CD226: variants seen among roughly 807,000 people sequenced by gnomAD.
The protein encoded by CD226 is CD226 antigen.
In CD226, 24 loss-of-function variants were observed where a neutral mutation model predicts 34.9. The observed-to-expected ratio is 0.69, with a 90% CI of 0.50 to 0.97. The LOEUF (loss-of-function observed/expected upper bound fraction) is 0.97. CD226 is among the 50% of genes least tolerant of loss of function. CD226 has a pLI of 0.00. For synonymous variants in CD226, 148 were observed against 147.4 expected (o/e 1.00, Z -0.03); for missense variants, 397 against 412.7 (o/e 0.96, Z 0.33).
chr18:69,895,952 G>A lies in CD226; in HGVS notation c.476C>T (p.Pro159Leu), dbSNP rs1412157638. 2 of 1,613,996 alleles carry A rather than the reference G, an allele frequency of 1.2e-6. No homozygotes were observed. Among genetic ancestry groups the A allele is most frequent in the African/African-American group, 1.3e-5 (1 of 74,934 alleles). The change falls in exon 3 of 6, where the codon CCT becomes CTT. Residue 159 changes from proline (P) to leucine (L), a missense_variant. Physicochemically the swap from Pro to Leu is moderately conservative, Grantham distance 98. Transcript: ENST00000582621. ...TLTCQPQMTW[P>L]VQAVRWEKIQ... ...CTTTTCCCACCTCACTGCCTGCACA[G>A]GCCACGTCATCTGAGGCTGACAAGT...
rs1363088393 is a variant in CD226, at chr18:69,864,241, G to GA, written c.*72dup. ...TATCTAAGGTAGACCTTGGGTAGTG[G>GA]AAAAAAATTGCATAAAGATCCATGC... On this transcript the variant is annotated 3_prime_UTR_variant, in exon 6 of 6. Coordinates refer to ENST00000582621, the MANE Select transcript of CD226 (RefSeq NM_001303618.2). The GA allele has an allele frequency of 3.4e-6, 5 of 1,486,232 alleles. No homozygotes were observed. The highest frequency in any genetic ancestry group is 2.8e-5 in the African/African-American group (2 of 72,164). The allele number at this position is 1,486,232 out of a possible 1,614,324, so 92.1% of individuals were successfully genotyped here. A position where few individuals can be genotyped will look rare whatever the true frequency, so the allele number is the denominator to read the frequency against.
upstream of CD226, among the ~76,000 whole-genome samples, chr18:69,951,254 G>C (rs969566820): frequency 6.6e-6 from 1 of 151,932 alleles, no homozygotes; most frequent in African/African-American, 2.4e-5. Flanking sequence ...TTGGGAGTAC[G>C]GGCATGATCC....
In CD226 at chr18:69,936,872, A is replaced by G. The variant is rs144214619; in HGVS notation, c.382+9862T>C. On this transcript the variant is annotated intron_variant, in intron 2 of 5. Coordinates refer to ENST00000582621, the MANE Select transcript of CD226 (RefSeq NM_001303618.2). Reference sequence around the variant, plus strand: ...AAGCTAGCAGGAATTGGTGACCCTTATAACAGGAGAATAAGAAAGACTCTT... The same window carrying G: ...AAGCTAGCAGGAATTGGTGACCCTTGTAACAGGAGAATAAGAAAGACTCTT... Among the ~76,000 whole-genome samples, 38 of 152,382 alleles carry G rather than the reference A, an allele frequency of 2.5e-4. No individual in the cohort carries two copies. The East Asian group carries it at 6.0e-3, about 24-fold the overall frequency.
At chr18:69,878,518 T>G (rs1439673105) in intron 3 of CD226, among the ~76,000 whole-genome samples, 1 of 151,932 alleles carries the variant, frequency 6.6e-6, no homozygotes, top group Non-Finnish European at 1.5e-5. Flanking sequence ...GTCTATAGTT[T>G]ATCCTCTATT....
chr18:69,911,017 GAA>G (rs2055317757), intron 2 of CD226, among the ~76,000 whole-genome samples: 1 of 152,156 alleles, frequency 6.6e-6, no homozygotes, highest in Non-Finnish European at 1.5e-5. Context: ...CTCATGGGTG[GAA>G]CCGAGGCCAT....
chr18:69,898,306 CT>C (rs376813404), intron 2 of CD226, among the ~76,000 whole-genome samples: 9 of 152,184 alleles, frequency 5.9e-5, no homozygotes, highest in African/African-American at 2.2e-4. Flanking sequence ...ACACGCACAA[CT>C]GTTTTGTGTT....
intron 2 of CD226, among the ~76,000 whole-genome samples, chr18:69,931,862 G>C (rs769140625): frequency 6.6e-6 from 1 of 152,148 alleles, no homozygotes; most frequent in Non-Finnish European, 1.5e-5. Flanking sequence ...TGCTAGGGCT[G>C]CCATAATAAA....
Position 69,902,328 on chromosome 18 carries a change from T to C in CD226, c.383-6283A>G, listed in dbSNP as rs75828748. 4.7e-3 allele frequency among the ~76,000 whole-genome samples: 710 copies of C among 152,174 alleles called. 2 individuals are homozygous for C. The highest frequency in any genetic ancestry group is 8.0e-3 in the Admixed American group (122 of 15,294). ...TCAAAATTCCAGGAGTGGGTTCCCA[T>C]CCTGCTCGGCCTCACCCTTTCCCAT... On this transcript the variant is annotated intron_variant, in intron 2 of 5. Transcript: ENST00000582621.
At chr18:69,873,329 A>G in intron 3 of CD226, 83 bp from the exon 4 acceptor site, 1 of 702,168 alleles carries the variant, frequency 1.4e-6, no homozygotes, top group Non-Finnish European at 2.5e-6. Context: ...AAGAAAAGAT[A>G]CATTAATTAT....
upstream of CD226, among the ~76,000 whole-genome samples, chr18:69,960,338 G>A (rs17081932): frequency 0.032 from 4,893 of 152,058 alleles, 289 homozygotes; most frequent in African/African-American, 0.11. Flanking sequence ...AGGAAGCAAC[G>A]AACTGAACAT....
rs1439809730 is a variant in CD226, at chr18:69,861,550, ATATG to A, written c.*2760_*2763del. On this transcript the variant is annotated 3_prime_UTR_variant, in exon 6 of 6. Transcript: ENST00000582621. ...CGATATAAATTATATGTGTATATAT[ATATG>A]TATATATATATATATATATGTAAAA... 1.3e-5 allele frequency: 1 copy of A among 75,334 alleles called. No individual in the cohort carries two copies. Among genetic ancestry groups the A allele is most frequent in the East Asian group, 3.1e-4 (1 of 3,266 alleles). 4.7% of individuals were successfully genotyped at this position (75,334 alleles called of 1,614,324 possible).
chr18:69,869,632 C>T (rs955779194), intron 4 of CD226, among the ~76,000 whole-genome samples: 1 of 151,938 alleles, frequency 6.6e-6, no homozygotes, highest in Non-Finnish European at 1.5e-5. Context: ...AACAAACCTG[C>T]ACATCCTGCA....
At position 69,900,738 on chromosome 18, in the gene CD226, C is replaced by CAAAAA. The variant is rs34436716; in HGVS notation, c.383-4698_383-4694dup. On this transcript the variant is annotated intron_variant, in intron 2 of 5. Transcript: ENST00000582621. Reference sequence around the variant, plus strand: ...TGGGCGACAGAGCGAGACTCCGTCTCAAAAAAAAAAAAAAAAAATTTCTAA... The same window carrying CAAAAA: ...TGGGCGACAGAGCGAGACTCCGTCTCAAAAAAAAAAAAAAAAAAAAAAATTTCTAA... 6.4e-4 allele frequency among the ~76,000 whole-genome samples: 63 copies of CAAAAA among 98,528 alleles called. 1 individual carries two copies. Among genetic ancestry groups the CAAAAA allele is most frequent in the African/African-American group, 1.5e-3 (42 of 27,724 alleles). 64.6% of individuals were successfully genotyped at this position (98,528 alleles called of 152,430 possible). A position where few individuals can be genotyped will look rare whatever the true frequency, so the allele number is the denominator to read the frequency against.
chr18:69,897,755 T>G (rs1985382912), intron 2 of CD226, among the ~76,000 whole-genome samples: 1 of 152,136 alleles, frequency 6.6e-6, no homozygotes. Context: ...AAAGAGAGAA[T>G]GAAAGCAAGT....
In CD226 at chr18:69,857,182, TATTCATTAGAC is replaced by T; in HGVS notation, c.*7121_*7131del. ...AGACTCCGTCTCAAAAAAAGATAGCTATTCATTAGACATTGAAAGAATTATAAAATAGACAT... is the reference window on the plus strand; with the variant it reads ...AGACTCCGTCTCAAAAAAAGATAGCTATTGAAAGAATTATAAAATAGACAT... On this transcript the variant is annotated 3_prime_UTR_variant, in exon 6 of 6. Transcript: ENST00000582621. 1 of 152,242 alleles carries T rather than the reference TATTCATTAGAC, an allele frequency of 6.6e-6. No homozygotes were observed. The highest frequency in any genetic ancestry group is 2.1e-4 in the South Asian group (1 of 4,822). The allele number at this position is 152,242 out of a possible 1,614,324, so 9.4% of individuals were successfully genotyped here. A position where few individuals can be genotyped will look rare whatever the true frequency, so the allele number is the denominator to read the frequency against.
intron 2 of CD226, among the ~76,000 whole-genome samples, chr18:69,900,098 CCATAAAAA>C (rs1236032762): frequency 2.0e-5 from 3 of 152,076 alleles, no homozygotes; most frequent in Non-Finnish European, 4.4e-5. Flanking sequence ...TACTATGCAG[CCATAAAAA>C]AGAATGAGAT....
At chr18:69,903,908 AG>A (rs1349612632) in intron 2 of CD226, among the ~76,000 whole-genome samples, 1 of 152,156 alleles carries the variant, frequency 6.6e-6, no homozygotes, top group Non-Finnish European at 1.5e-5. Context: ...ATAGGGAGTA[AG>A]GACCATCAGG....
At chr18:69,902,857 A>T (rs1200987098) in intron 2 of CD226, among the ~76,000 whole-genome samples, 1 of 152,148 alleles carries the variant, frequency 6.6e-6, no homozygotes, top group African/African-American at 2.4e-5. Context: ...TGATAGTAGT[A>T]GCTCCAGTAG....
At chr18:69,901,437 A>G (rs78033018) in intron 2 of CD226, among the ~76,000 whole-genome samples, 2,335 of 152,326 alleles carry the variant, frequency 0.015, 54 homozygotes, top group African/African-American at 0.051. Flanking sequence ...AAATTAATCA[A>G]GGGAAAGAGA....
Sources: gnomAD v4.1 joint callset for allele counts (sites outside exome capture counted in the v4.1 genomes callset) on GRCh38, gnomAD v4.1.1 for gene constraint, MANE v1.5 for transcripts, NCBI Gene and HGNC (gene_info 2026-07-23, HGNC 2026-07-21) for gene names.